Variants in ADA observed in about 807,000 individuals in gnomAD.
ADA encodes the protein adenosine aminohydrolase.
Under a neutral mutation model 49.0 loss-of-function variants are expected in ADA, and 45 were observed. The ratio of observed to expected loss-of-function variants is 0.92; its 90% CI spans 0.72 to 1.18. The LOEUF (loss-of-function observed/expected upper bound fraction) is 1.18, where lower values mean the gene tolerates loss of function less well. ADA is among the 50% of genes most tolerant of loss of function. The probability of loss-of-function intolerance (pLI) is 0.00; values close to 1 mark genes in which losing one functional copy is unlikely to be tolerated. For missense variants in ADA, 445 were observed against 472.5 expected (o/e 0.94, Z 0.54); for synonymous variants, 173 against 184.2 (o/e 0.94, Z 0.49).
intron 2 of ADA, among the ~76,000 whole-genome samples, chr20:44,635,724 C>A (rs2065473599): frequency 6.6e-6 from 1 of 152,104 alleles, no homozygotes; most frequent in Non-Finnish European, 1.5e-5. Context: ...CATGTGAAAC[C>A]CCATCTCCGC....
In ADA at chr20:44,619,651, A is replaced by G; in HGVS notation, c.*183T>C. 1.3e-6 allele frequency: 1 copy of G among 740,962 alleles called. No homozygotes were observed. The highest frequency in any genetic ancestry group is 2.3e-6 in the Non-Finnish European group (1 of 437,172). The allele number at this position is 740,962 out of a possible 1,614,324, so 45.9% of individuals were successfully genotyped here. A position where few individuals can be genotyped will look rare whatever the true frequency, so the allele number is the denominator to read the frequency against. Reference sequence around the variant, plus strand: ...TGGTCCCTGGCCAGGGCACATAATCAGAGAAGTGACGCGGCCATGCCGAGG... The same window carrying G: ...TGGTCCCTGGCCAGGGCACATAATCGGAGAAGTGACGCGGCCATGCCGAGG... On this transcript the variant is annotated 3_prime_UTR_variant, in exon 12 of 12. Coordinates refer to ENST00000372874, the MANE Select transcript of ADA (RefSeq NM_000022.4).
intron 1 of ADA, among the ~76,000 whole-genome samples, chr20:44,643,987 C>A (rs893778013): frequency 2.6e-5 from 4 of 151,932 alleles, no homozygotes; most frequent in East Asian, 2.0e-4. Flanking sequence ...GCAGAGCTAC[C>A]ATGAGGACCC....
intron 10 of ADA, 199 bp from the exon 11 acceptor site, chr20:44,620,600 AAG>A (rs1396996776): frequency 3.6e-5 from 23 of 642,076 alleles, no homozygotes; most frequent in Non-Finnish European, 6.1e-5. Context: ...TTACATGAAA[AAG>A]GGCTGTGAGA....
At chr20:44,626,972 G>A (rs962848636) in intron 3 of ADA, among the ~76,000 whole-genome samples, 1 of 151,890 alleles carries the variant, frequency 6.6e-6, no homozygotes, top group African/African-American at 2.4e-5. Context: ...GAGTGACATC[G>A]CAACTCCCAG....
intron 6 of ADA, among the ~76,000 whole-genome samples, chr20:44,623,422 G>A (rs1013217723): frequency 6.6e-6 from 1 of 152,210 alleles, no homozygotes; most frequent in Non-Finnish European, 1.5e-5. Flanking sequence ...CCCGGGCAGT[G>A]GGACTCCAGA....
In ADA at chr20:44,624,229, G is replaced by T. The variant is rs1215245458; in HGVS notation, c.579C>A (p.Leu193=). Residue 193 remains leucine (L), a synonymous_variant, in exon 6 of 12, where the codon CTC becomes CTA. Coordinates refer to ENST00000372874, the MANE Select transcript of ADA (RefSeq NM_000022.4). ...GGTAGGCCTGGACATGTCCAGGCAA[G>T]AGGCTGCTTCCTGGGATGGTCTCAT... ...AGDETIPGSS[L]LPGHVQAYQE... is the part of the protein sequence containing the mutation. 1.2e-6 allele frequency: 2 copies of T among 1,613,676 alleles called. No homozygotes were observed. Among genetic ancestry groups the T allele is most frequent in the Non-Finnish European group, 1.7e-6 (2 of 1,179,820 alleles).
Position 44,626,537 on chromosome 20 carries a change from C to T in ADA, c.281G>A (p.Gly94Asp), listed in dbSNP as rs2065384316. ...GTACCGCACCTCCACATACACCACG[C>T]CCTCTTTGGCCTTCATCTCTACAAA... ...YEFVEMKAKE[G>D]VVYVEVRYSP... Residue 94 changes from glycine to aspartate, a missense_variant, in exon 4 of 12, where the codon GGC (glycine) becomes GAC (aspartate). By Grantham distance (94) the Gly-to-Asp change is moderately conservative. Coordinates refer to ENST00000372874, the MANE Select transcript of ADA (RefSeq NM_000022.4). The T allele has an allele frequency of 4.3e-6, 7 of 1,614,184 alleles. No individual in the cohort carries two copies. The highest frequency in any genetic ancestry group is 5.9e-6 in the Non-Finnish European group (7 of 1,180,036).
intron 3 of ADA, among the ~76,000 whole-genome samples, chr20:44,628,701 C>G (rs898571530): frequency 6.6e-6 from 1 of 152,074 alleles, no homozygotes; most frequent in Non-Finnish European, 1.5e-5. Context: ...TCCCCGCCCC[C>G]ACCCTATATT....
chr20:44,621,275 G>T, intron 9 of ADA, 128 bp from the exon 10 acceptor site: 2 of 1,213,156 alleles, frequency 1.6e-6, no homozygotes, highest in Non-Finnish European at 2.4e-6. Flanking sequence ...TCTGATCCTT[G>T]TGCAGAGGGG....
intron 2 of ADA, among the ~76,000 whole-genome samples, chr20:44,633,540 G>A (rs2065452341): frequency 6.6e-6 from 1 of 152,202 alleles, no homozygotes; most frequent in Non-Finnish European, 1.5e-5. Context: ...TGGGGAATGA[G>A]CTGGGAAGAC....
At chr20:44,643,556 G>A (rs1600945725) in intron 1 of ADA, among the ~76,000 whole-genome samples, 4 of 152,308 alleles carry the variant, frequency 2.6e-5, no homozygotes, top group Admixed American at 2.6e-4. Flanking sequence ...GAGAAGTTCA[G>A]TGGCCTGTCC....
chr20:44,629,453 T>TACAC (rs2065413685), intron 2 of ADA, among the ~76,000 whole-genome samples: 1 of 152,032 alleles, frequency 6.6e-6, no homozygotes, highest in Non-Finnish European at 1.5e-5. Context: ...TGTGCACACA[T>TACAC]GCACACACCC....
At chr20:44,625,510 C>G (rs1005866894) in intron 5 of ADA, 59 bp downstream of exon 5, 1 of 1,471,006 alleles carries the variant, frequency 6.8e-7, no homozygotes, top group South Asian at 1.2e-5. Flanking sequence ...ACTGCTAGGC[C>G]AGGAGGTCAG....
At chr20:44,628,204 G>A (rs548381148) in intron 3 of ADA, among the ~76,000 whole-genome samples, 4 of 152,298 alleles carry the variant, frequency 2.6e-5, no homozygotes, top group South Asian at 4.1e-4. Flanking sequence ...CAGGAGAAGG[G>A]GTCACCAGAA....
At chr20:44,624,756 G>A (rs1480835884) in intron 5 of ADA, among the ~76,000 whole-genome samples, 1 of 152,252 alleles carries the variant, frequency 6.6e-6, no homozygotes, top group African/African-American at 2.4e-5. Context: ...GTATTGGGAA[G>A]TATCTCGCTA....
intron 3 of ADA, among the ~76,000 whole-genome samples, chr20:44,626,994 A>G (rs1441017126): frequency 6.6e-6 from 1 of 151,326 alleles, no homozygotes; most frequent in East Asian, 2.0e-4. Context: ...TCCTGCCCAC[A>G]AGGCCTGCAT....
At position 44,622,818 on chromosome 20, in the gene ADA, G is replaced by A; in HGVS notation, c.780+11C>T. On this transcript the variant is annotated intron_variant, in intron 8 of 11. Transcript: ENST00000372874. Reference sequence around the variant, plus strand: ...CGGGGATGGTTCCTCCCCACTCCCTGGCCCGCTTACCTCGAAGTGCATGTT... The same window carrying A: ...CGGGGATGGTTCCTCCCCACTCCCTAGCCCGCTTACCTCGAAGTGCATGTT... 1 of 1,614,204 alleles carries A rather than the reference G, an allele frequency of 6.2e-7. No individual in the cohort carries two copies. The highest frequency in any genetic ancestry group is 8.5e-7 in the Non-Finnish European group (1 of 1,180,028).
chr20:44,651,554 G>A (rs1342506765), intron 1 of ADA, 21 bp downstream of exon 1: 2 of 1,532,306 alleles, frequency 1.3e-6, no homozygotes, highest in African/African-American at 1.4e-5. Context: ...CCCCGTCCCC[G>A]GAGCCCCCGC....
intron 1 of ADA, among the ~76,000 whole-genome samples, chr20:44,646,471 G>A (rs2065592953): frequency 6.6e-6 from 1 of 150,466 alleles, no homozygotes; most frequent in African/African-American, 2.5e-5. Flanking sequence ...GGAGGGAGGA[G>A]GGAGATTCTG....
Sources: gnomAD v4.1 joint callset for allele counts (sites outside exome capture counted in the v4.1 genomes callset) on GRCh38, gnomAD v4.1.1 for gene constraint, MANE v1.5 for transcripts, NCBI Gene and HGNC (gene_info 2026-07-23, HGNC 2026-07-21) for gene names.